ATXN3: variants seen among roughly 807,000 people sequenced by gnomAD.
ATXN3 encodes the protein ataxin 3.
In ATXN3, 28 loss-of-function variants were observed where a neutral mutation model predicts 58.2. The observed-to-expected ratio is 0.48, with a 90% CI of 0.36 to 0.66. The LOEUF (loss-of-function observed/expected upper bound fraction) is 0.66. ATXN3 is among the 30% of genes least tolerant of loss of function. The pLI, the probability that ATXN3 is intolerant of heterozygous loss-of-function variation, is 0.00. For missense variants in ATXN3, 321 were observed against 422.1 expected (o/e 0.76, Z 2.10); for synonymous variants, 113 against 138.5 (o/e 0.82, Z 1.29).
chr14:92,104,443 C>T (rs1048307785), intron 1 of ATXN3, among the ~76,000 whole-genome samples: 2 of 152,170 alleles, frequency 1.3e-5, no homozygotes, highest in Admixed American at 6.5e-5. Flanking sequence ...AGAGGGATTT[C>T]TTTCGGGTAA....
chr14:92,095,560 T>C (rs185216841), intron 3 of ATXN3, among the ~76,000 whole-genome samples: 3 of 152,072 alleles, frequency 2.0e-5, no homozygotes, highest in East Asian at 3.9e-4. Flanking sequence ...AGGTTATTAT[T>C]AGCATCCAGA....
At chr14:92,103,936 G>C (rs1157237634) in intron 1 of ATXN3, among the ~76,000 whole-genome samples, 1 of 152,200 alleles carries the variant, frequency 6.6e-6, no homozygotes, top group Non-Finnish European at 1.5e-5. Flanking sequence ...AAATGGCACA[G>C]TAAGCCCAAA....
chr14:92,105,482 GC>G (rs763185152), intron 1 of ATXN3, among the ~76,000 whole-genome samples: 2 of 152,028 alleles, frequency 1.3e-5, no homozygotes, highest in African/African-American at 2.4e-5. Flanking sequence ...TTTTGTCTTT[GC>G]TTTATTTGTT....
intron 9 of ATXN3, among the ~76,000 whole-genome samples, chr14:92,072,582 G>C (rs2059619326): frequency 6.6e-6 from 1 of 150,566 alleles, no homozygotes; most frequent in Non-Finnish European, 1.5e-5. Flanking sequence ...CCAGTCTTAA[G>C]CATTTTGGAT....
intron 9 of ATXN3, among the ~76,000 whole-genome samples, chr14:92,075,801 C>A (rs56177322): frequency 0.12 from 18,189 of 152,202 alleles, 1,174 homozygotes; most frequent in African/African-American, 0.17. Context: ...TACTAATGAG[C>A]TCTACAAGGT....
chr14:92,090,708 T>C (rs2063590426), intron 5 of ATXN3: 1 of 152,162 alleles, frequency 6.6e-6, no homozygotes, highest in South Asian at 2.1e-4. Flanking sequence ...AATGCAATTT[T>C]GAAGAACTAA....
rs889269750 is a variant in ATXN3 at position 92,078,112 on chromosome 14, T to C, written c.872+2853A>G. ...GTCTCAGCCTCCTGAGTAGCTGGGA[T>C]TACAGGTGCCCATCATCATGCCTGG... is the stretch of plus-strand genomic sequence containing the variant. On this transcript the variant is annotated intron_variant, in intron 9 of 10. Coordinates refer to ENST00000644486, the MANE Select transcript of ATXN3 (RefSeq NM_004993.6). 2.0e-5 allele frequency among the ~76,000 whole-genome samples: 3 copies of C among 151,154 alleles called. No homozygotes were observed. The East Asian group carries it at 5.9e-4, about 30-fold the overall frequency.
chr14:92,072,694 T>TTA (rs1388644700), intron 9 of ATXN3, among the ~76,000 whole-genome samples: 1 of 90,992 alleles, frequency 1.1e-5, no homozygotes, highest in Non-Finnish European at 2.1e-5. Context: ...AGCTATAGGT[T>TTA]AAAAAAAAAA....
In ATXN3 at chr14:92,089,208, G is replaced by A. The variant is rs547237619; in HGVS notation, c.388-391C>T. ...ATTTTTGTATTTTTAGTTAGAGACA[G>A]CACATTTGCCACATTGGCCAGGCTG... On this transcript the variant is annotated intron_variant, in intron 5 of 10. Transcript: ENST00000644486. 3.3e-5 allele frequency among the ~76,000 whole-genome samples: 5 copies of A among 151,400 alleles called. No individual in the cohort carries two copies. The South Asian group carries it at 1.0e-3, about 32-fold the overall frequency.
chr14:92,052,308 A>G (rs1216321275), upstream of ATXN3, among the ~76,000 whole-genome samples: 1 of 151,808 alleles, frequency 6.6e-6, no homozygotes, highest in Non-Finnish European at 1.5e-5. Context: ...CACCCTGACC[A>G]ACATGGAGAA....
downstream of ATXN3, among the ~76,000 whole-genome samples, chr14:92,056,032 T>C (rs2057463857): frequency 1.3e-5 from 2 of 152,214 alleles, no homozygotes; most frequent in African/African-American, 4.8e-5. Context: ...GAGATGCCCC[T>C]GTGCAGAATT....
At chr14:92,087,442 C>T (rs1313036056) in intron 6 of ATXN3, among the ~76,000 whole-genome samples, 2 of 147,044 alleles carry the variant, frequency 1.4e-5, no homozygotes. Flanking sequence ...CAGAAATAGG[C>T]CTAGTCACTT....
chr14:92,101,716 G>A lies in ATXN3; in HGVS notation c.24+4813C>T, dbSNP rs1019913958. On this transcript the variant is annotated intron_variant, in intron 1 of 10. Coordinates refer to ENST00000644486, the MANE Select transcript of ATXN3 (RefSeq NM_004993.6). ...CTACTAAAAATATAAGAATTAGCCAGGTGTGGTGGCAGGCGCCTGTAGTCC... is the reference window on the plus strand; with the variant it reads ...CTACTAAAAATATAAGAATTAGCCAAGTGTGGTGGCAGGCGCCTGTAGTCC... Among the ~76,000 whole-genome samples the A allele has an allele frequency of 3.2e-4, 48 of 152,232 alleles. 1 individual carries two copies. The highest frequency in any genetic ancestry group is 4.9e-4 in the Non-Finnish European group (33 of 68,026).
chr14:92,066,601 G>GGTTTTTTTTTTTTTTTTTT lies in ATXN3; in HGVS notation c.992-2188_992-2187insAAAAAAAAAAAAAAAAAAC. On this transcript the variant is annotated intron_variant, in intron 10 of 10. Coordinates refer to ENST00000644486, the MANE Select transcript of ATXN3 (RefSeq NM_004993.6). ...ACTCTGGGTTTAGAGTTTTTTTCTT[G>GGTTTTTTTTTTTTTTTTTT]TTTTTTTTTTTTTTTTTTTTTTTTG... 1.9e-5 allele frequency among the ~76,000 whole-genome samples: 2 copies of GGTTTTTTTTTTTTTTTTTT among 107,022 alleles called. 1 individual carries two copies. The highest frequency in any genetic ancestry group is 3.7e-5 in the Non-Finnish European group (2 of 54,282). The allele number at this position is 107,022 out of a possible 152,430, so 70.2% of individuals were successfully genotyped here.
Position 92,060,201 on chromosome 14 carries a change from TAA to T in ATXN3, c.*4117_*4118del. On this transcript the variant is annotated 3_prime_UTR_variant, in exon 11 of 11. Transcript: ENST00000644486. ...CGTGAGCCACTGCCCCCGACTGGGA[TAA>T]AGTTTTTAATAGGAAGTCATATATA... The T allele has an allele frequency of 7.0e-6, 1 of 143,778 alleles. No individual in the cohort carries two copies. The highest frequency in any genetic ancestry group is 7.0e-5 in the Admixed American group (1 of 14,378). The allele number at this position is 143,778 out of a possible 1,614,324, so 8.9% of individuals were successfully genotyped here. A position where few individuals can be genotyped will look rare whatever the true frequency, so the allele number is the denominator to read the frequency against.
At chr14:92,084,193 T>A (rs1307404853) in intron 6 of ATXN3, among the ~76,000 whole-genome samples, 1 of 152,184 alleles carries the variant, frequency 6.6e-6, no homozygotes, top group Non-Finnish European at 1.5e-5. Context: ...CCTTCATATA[T>A]ACATCTACCT....
At chr14:92,064,647 C>A (rs537726421) in intron 10 of ATXN3, among the ~76,000 whole-genome samples, 1 of 152,094 alleles carries the variant, frequency 6.6e-6, no homozygotes, top group Non-Finnish European at 1.5e-5. Context: ...CCTTTGTGGT[C>A]GATCCCCATT....
In ATXN3 at chr14:92,060,628, A is replaced by C. The variant is rs1265478296; in HGVS notation, c.*3692T>G. ...AACATCAAGATTTATTTTTCTACTT[A>C]AGATTTTAAAATTATCATATTTTGA... On this transcript the variant is annotated 3_prime_UTR_variant, in exon 11 of 11. Transcript: ENST00000644486. The C allele has an allele frequency of 1.3e-5, 2 of 152,150 alleles. No homozygotes were observed. Among genetic ancestry groups the C allele is most frequent in the Non-Finnish European group, 2.9e-5 (2 of 68,036 alleles). The allele number at this position is 152,150 out of a possible 1,614,324, so 9.4% of individuals were successfully genotyped here.
chr14:92,077,647 CT>C (rs35518817), intron 9 of ATXN3: 43,323 of 149,094 alleles, frequency 0.29, 6,609 homozygotes, highest in East Asian at 0.44. Context: ...CGCGCCCAGC[CT>C]TTTTTTTTTC....
Sources: allele counts gnomAD v4.1 joint callset (sites outside exome capture counted in the v4.1 genomes callset), GRCh38; gene constraint gnomAD v4.1.1; transcripts MANE v1.5; gene names NCBI Gene and HGNC (gene_info 2026-07-23, HGNC 2026-07-21).